SMURF1: variants seen among roughly 807,000 people sequenced by gnomAD.
The protein encoded by SMURF1 is SMAD specific E3 ubiquitin protein ligase 1, also known as E3 ubiquitin-protein ligase SMURF1.
Under a neutral mutation model 98.0 loss-of-function variants are expected in SMURF1, and 44 were observed. The observed-to-expected ratio is 0.45, with a 90% CI of 0.35 to 0.58. SMURF1 has a LOEUF of 0.58. SMURF1 is among the 20% of genes least tolerant of loss of function. The pLI is 0.00. For missense variants in SMURF1, 687 were observed against 938.4 expected, an observed-to-expected ratio of 0.73 and a Z score of 3.50; for synonymous variants, 396 against 374.9, an observed-to-expected ratio of 1.06 and a Z score of -0.65.
At chr7:99,074,494 G>GA (rs1253875592) in intron 1 of SMURF1, among the ~76,000 whole-genome samples, 8 of 152,170 alleles carry the variant, frequency 5.3e-5, no homozygotes, top group African/African-American at 1.7e-4. Context: ...ATATCATTAT[G>GA]AAAAAAGAAT....
At chr7:99,098,013 C>A (rs1450681344) in intron 1 of SMURF1, among the ~76,000 whole-genome samples, 1 of 152,144 alleles carries the variant, frequency 6.6e-6, no homozygotes, top group African/African-American at 2.4e-5. Flanking sequence ...TTTCAACAGA[C>A]AAAACCCAAG....
chr7:99,118,305 T>G (rs911929665), intron 1 of SMURF1, among the ~76,000 whole-genome samples: 1 of 152,030 alleles, frequency 6.6e-6, no homozygotes, highest in Non-Finnish European at 1.5e-5. Flanking sequence ...TAGGTACATA[T>G]CCAAGAATAA....
Position 99,040,377 on chromosome 7 carries a change from C to G in SMURF1, c.1550+1G>C. ...GTGACCGGCCGTCAGTCAATACTTA[C>G]AGGATCCACACCAAGCTCTTATGCA... On this transcript the variant is annotated splice_donor_variant, in intron 13 of 17. Transcript: ENST00000361368. LOFTEE classifies it high-confidence loss of function. The G allele has an allele frequency of 6.6e-7, 1 of 1,510,602 alleles. No homozygotes were observed. The highest frequency in any genetic ancestry group is 8.9e-7 in the Non-Finnish European group (1 of 1,127,026). The allele number at this position is 1,510,602 out of a possible 1,614,324, so 93.6% of individuals were successfully genotyped here. A position where few individuals can be genotyped will look rare whatever the true frequency, so the allele number is the denominator to read the frequency against.
rs183166731 is a variant in SMURF1, at chr7:99,104,581, G to A, written c.55+39145C>T. Among the ~76,000 whole-genome samples the A allele has an allele frequency of 3.2e-3, 493 of 152,216 alleles. 4 individuals carry two copies. Among genetic ancestry groups the A allele is most frequent in the African/African-American group, 0.011 (445 of 41,522 alleles). On this transcript the variant is annotated intron_variant, in intron 1 of 17. Coordinates refer to ENST00000361368, the MANE Select transcript of SMURF1 (RefSeq NM_181349.3). ...TTTAATGTAATTATCCTGCCCATACGGTTTTGCTACCTGCCACTGTCACTT... is the reference window on the plus strand; with the variant it reads ...TTTAATGTAATTATCCTGCCCATACAGTTTTGCTACCTGCCACTGTCACTT...
intron 11 of SMURF1, among the ~76,000 whole-genome samples, chr7:99,044,794 G>A (rs10263217): frequency 0.3 from 45,071 of 152,004 alleles, 6,775 homozygotes; most frequent in South Asian, 0.45. Flanking sequence ...CATTAAATCC[G>A]GAAATAACAA....
intron 1 of SMURF1, among the ~76,000 whole-genome samples, chr7:99,119,003 A>ATTTTTTTTTTTT (rs67705340): frequency 2.3e-5 from 1 of 42,882 alleles, no homozygotes; most frequent in African/African-American, 1.1e-4. Flanking sequence ...TAACATGCCA[A>ATTTTTTTTTTTT]TTTTTTTTTT....
At chr7:99,134,791 A>G (rs1797952968) in intron 1 of SMURF1, among the ~76,000 whole-genome samples, 1 of 152,230 alleles carries the variant, frequency 6.6e-6, no homozygotes, top group Non-Finnish European at 1.5e-5. Context: ...TAAATAAATT[A>G]TGTAAACCAC....
chr7:99,084,170 A>G (rs1282793191), intron 1 of SMURF1, among the ~76,000 whole-genome samples: 1 of 152,222 alleles, frequency 6.6e-6, no homozygotes, highest in African/African-American at 2.4e-5. Flanking sequence ...TCCAATGTCT[A>G]GAGCCAACAA....
At position 99,030,396 on chromosome 7, in the gene SMURF1, A is replaced by T. The variant is rs1794831476; in HGVS notation, c.*188T>A. On this transcript the variant is annotated 3_prime_UTR_variant, in exon 18 of 18. Transcript: ENST00000361368. ...GTGGGAGTACTATGGTAAAGGAGGGATATATGGGTGGGAGCCACCAACAAA... is the reference window on the plus strand; with the variant it reads ...GTGGGAGTACTATGGTAAAGGAGGGTTATATGGGTGGGAGCCACCAACAAA... 1 of 591,108 alleles carries T rather than the reference A, an allele frequency of 1.7e-6. No individual in the cohort carries two copies. Among genetic ancestry groups the T allele is most frequent in the Non-Finnish European group, 3.0e-6 (1 of 330,694 alleles). 36.6% of individuals were successfully genotyped at this position (591,108 alleles called of 1,614,324 possible).
chr7:99,080,229 TG>T (rs1650772184), intron 1 of SMURF1, among the ~76,000 whole-genome samples: 1 of 152,232 alleles, frequency 6.6e-6, no homozygotes, highest in African/African-American at 2.4e-5. Flanking sequence ...GACCAATGGC[TG>T]TAAGTTGAAA....
intron 1 of SMURF1, among the ~76,000 whole-genome samples, chr7:99,140,281 CTT>C (rs11421940): frequency 1.4e-4 from 12 of 85,808 alleles, no homozygotes; most frequent in Admixed American, 3.4e-4. Context: ...CTTCAGTATC[CTT>C]TTTTTTTTTT....
At chr7:99,036,798 G>A (rs1795162866) in intron 15 of SMURF1, among the ~76,000 whole-genome samples, 1 of 152,130 alleles carries the variant, frequency 6.6e-6, no homozygotes, top group South Asian at 2.1e-4. Flanking sequence ...TAGAGATCTT[G>A]CAAACAAGGG....
chr7:99,058,212 A>G (rs1273286935), intron 3 of SMURF1, among the ~76,000 whole-genome samples: 2 of 151,824 alleles, frequency 1.3e-5, no homozygotes, highest in East Asian at 3.9e-4. Context: ...GCTCACTGCA[A>G]CCTGTCTCCT....
rs944175642 is a variant in SMURF1, at chr7:99,094,915, C to T, written c.56-33078G>A. Among the ~76,000 whole-genome samples the T allele has an allele frequency of 2.0e-5, 3 of 152,134 alleles. No homozygotes were observed. The East Asian group carries it at 5.8e-4, about 29-fold the overall frequency. ...CGCACCCACAGCCAGCCAGAGGCTC[C>T]CTCAGTTTGGCTACCTGCACTGGCT... On this transcript the variant is annotated intron_variant, in intron 1 of 17. Transcript: ENST00000361368.
At position 99,072,433 on chromosome 7, in the gene SMURF1, C is replaced by T. The variant is rs374041919; in HGVS notation, c.56-10596G>A. Among the ~76,000 whole-genome samples, 41 of 152,118 alleles carry T rather than the reference C, an allele frequency of 2.7e-4. No homozygotes were observed. The South Asian group carries it at 8.5e-3, about 32-fold the overall frequency. ...CCAAGGCAGGTGGATCACCTGAGGT[C>T]AGGAGTTTGAGACCAGCCTGACCAA... On this transcript the variant is annotated intron_variant, in intron 1 of 17. Coordinates refer to ENST00000361368, the MANE Select transcript of SMURF1 (RefSeq NM_181349.3).
At chr7:99,091,999 C>T (rs74415179) in intron 1 of SMURF1, among the ~76,000 whole-genome samples, 2 of 152,258 alleles carry the variant, frequency 1.3e-5, no homozygotes, top group South Asian at 4.1e-4. Flanking sequence ...TTGGCTATTT[C>T]CCAGATGGGT....
chr7:99,059,409 A>ATAATAAT (rs1795971588), intron 3 of SMURF1, among the ~76,000 whole-genome samples: 1 of 33,954 alleles, frequency 2.9e-5, no homozygotes, highest in Non-Finnish European at 5.6e-5. Context: ...AAAAAAAATA[A>ATAATAAT]AATAAAATAA....
At chr7:99,032,726 T>TAAGA (rs1457099495) in intron 17 of SMURF1, among the ~76,000 whole-genome samples, 1 of 152,144 alleles carries the variant, frequency 6.6e-6, no homozygotes, top group Non-Finnish European at 1.5e-5. Flanking sequence ...ATATATACTG[T>TAAGA]AAGAAAGATG....
chr7:99,045,502 C>T (rs1191471068), intron 11 of SMURF1, 196 bp downstream of exon 11: 6 of 529,264 alleles, frequency 1.1e-5, no homozygotes, highest in Non-Finnish European at 2.0e-5. Context: ...TGGCAAGAGG[C>T]TGGCACGAGC....
Sources: gnomAD v4.1 joint callset for allele counts (sites outside exome capture counted in the v4.1 genomes callset) on GRCh38, gnomAD v4.1.1 for gene constraint, MANE v1.5 for transcripts, NCBI Gene and HGNC (gene_info 2026-07-23, HGNC 2026-07-21) for gene names.